FRMD4B: variants seen among roughly 807,000 people sequenced by gnomAD.
The protein encoded by FRMD4B is FERM domain containing 4B, also known as FERM domain-containing protein 4B.
Under a neutral mutation model 141.5 loss-of-function variants are expected in FRMD4B, and 74 were observed. The ratio of observed to expected loss-of-function variants is 0.52; its 90% CI spans 0.43 to 0.63. The LOEUF (loss-of-function observed/expected upper bound fraction) is 0.63. Ranked by LOEUF, FRMD4B falls within the 30% of genes least tolerant of loss-of-function variation. The pLI is 0.00. For missense variants in FRMD4B, 1,366 were observed against 1,253.4 expected, an observed-to-expected ratio of 1.09 and a Z score of -1.36; for synonymous variants, 506 against 467.9, an observed-to-expected ratio of 1.08 and a Z score of -1.05.
Position 69,474,773 on chromosome 3 carries a change from G to A in FRMD4B, c.-128-42012C>T, listed in dbSNP as rs138323838. On this transcript the variant is annotated intron_variant, in intron 1 of 5. Transcript: ENST00000459638. ...CACATGCCACACAAGGGGCAAGAGTGAACAAGATAGACAGGGTTCCTGCCT... is the reference window on the plus strand; with the variant it reads ...CACATGCCACACAAGGGGCAAGAGTAAACAAGATAGACAGGGTTCCTGCCT... 5.6e-3 allele frequency among the ~76,000 whole-genome samples: 850 copies of A among 152,256 alleles called. 2 individuals are homozygous for A. Among genetic ancestry groups the A allele is most frequent in the Middle Eastern group, 0.01 (3 of 294 alleles).
chr3:69,239,177 C>G (rs1361752999), intron 7 of FRMD4B, among the ~76,000 whole-genome samples: 1 of 152,172 alleles, frequency 6.6e-6, no homozygotes, highest in Non-Finnish European at 1.5e-5. Context: ...AGCCTAGAAA[C>G]TCACTTTTCC....
chr3:69,286,602 C>T (rs1172683062), intron 5 of FRMD4B, among the ~76,000 whole-genome samples: 1 of 133,086 alleles, frequency 7.5e-6, no homozygotes, highest in African/African-American at 2.7e-5. Context: ...GGTATACAGT[C>T]TGGATAGGGA....
intron 1 of FRMD4B, among the ~76,000 whole-genome samples, chr3:69,497,244 A>G (rs1706418601): frequency 6.6e-6 from 1 of 152,238 alleles, no homozygotes; most frequent in Non-Finnish European, 1.5e-5. Flanking sequence ...TGAACAAGAT[A>G]TAAATTTATT....
intron 5 of FRMD4B, among the ~76,000 whole-genome samples, chr3:69,252,753 CT>C (rs1231057771): frequency 2.0e-5 from 3 of 152,142 alleles, no homozygotes; most frequent in African/African-American, 7.2e-5. Flanking sequence ...CAGAACATTG[CT>C]TTTACTCTCA....
chr3:69,249,397 G>A (rs938753018), intron 6 of FRMD4B, 149 bp from the exon 7 acceptor site: 4 of 561,266 alleles, frequency 7.1e-6, no homozygotes, highest in Non-Finnish European at 1.3e-5. Flanking sequence ...GGCATAAGAA[G>A]AATTAGGCAT....
intron 7 of FRMD4B, among the ~76,000 whole-genome samples, chr3:69,227,585 C>G (rs996586633): frequency 6.6e-6 from 1 of 151,592 alleles, no homozygotes; most frequent in African/African-American, 2.4e-5. Flanking sequence ...TCACTTGAAC[C>G]CAGGAGGCGG....
chr3:69,200,416 A>T, intron 11 of FRMD4B: 1 of 999,012 alleles, frequency 1.0e-6, no homozygotes, highest in Non-Finnish European at 1.2e-6. Flanking sequence ...ATTTCTTTAA[A>T]TCCAGAGGTT....
At chr3:69,496,797 C>T (rs1359983068) in intron 1 of FRMD4B, among the ~76,000 whole-genome samples, 2 of 151,934 alleles carry the variant, frequency 1.3e-5, no homozygotes, top group Non-Finnish European at 1.5e-5. Flanking sequence ...TCGCTATGGG[C>T]TATTTGTCAC....
chr3:69,365,649 C>T (rs554072491), intron 1 of FRMD4B, among the ~76,000 whole-genome samples: 280 of 152,098 alleles, frequency 1.8e-3, no homozygotes, highest in African/African-American at 5.6e-3. Flanking sequence ...TACATGCGCA[C>T]TTCACCACGC....
chr3:69,320,310 G>A (rs1420384945), intron 1 of FRMD4B, among the ~76,000 whole-genome samples: 3 of 152,124 alleles, frequency 2.0e-5, no homozygotes, highest in Non-Finnish European at 4.4e-5. Flanking sequence ...AACCTGACCT[G>A]GGCCAGGTGT....
At chr3:69,454,991 C>T (rs149969657) in intron 1 of FRMD4B, among the ~76,000 whole-genome samples, 3 of 152,168 alleles carry the variant, frequency 2.0e-5, no homozygotes, top group Admixed American at 2.0e-4. Flanking sequence ...GGGTACAACA[C>T]TCAGCACTCT....
rs577318297 is a variant in FRMD4B, at chr3:69,245,670, T to G, written c.581+3556A>C. 1.7e-3 allele frequency among the ~76,000 whole-genome samples: 252 copies of G among 147,708 alleles called. 1 individual carries two copies. Among genetic ancestry groups the G allele is most frequent in the African/African-American group, 5.7e-3 (229 of 40,028 alleles). On this transcript the variant is annotated intron_variant, in intron 7 of 22. Coordinates refer to ENST00000398540, the MANE Select transcript of FRMD4B (RefSeq NM_015123.3). The stretch of plus-strand genomic sequence containing the variant: ...CCTTGGCTGATTTTCTTTTCTTTTT[T>G]TTTTTTTTTTTGTGACAGAGTCCCA...
At chr3:69,413,784 A>G (rs1328205613) in intron 2 of FRMD4B, among the ~76,000 whole-genome samples, 1 of 152,192 alleles carries the variant, frequency 6.6e-6, no homozygotes, top group Non-Finnish European at 1.5e-5. Context: ...GAATGAAGAC[A>G]ATACAACCCT....
At chr3:69,307,990 A>G (rs1451482008) in intron 3 of FRMD4B, among the ~76,000 whole-genome samples, 1 of 151,466 alleles carries the variant, frequency 6.6e-6, no homozygotes, top group Non-Finnish European at 1.5e-5. Flanking sequence ...CCACAAAATA[A>G]CTCTTGCCTA....
chr3:69,282,174 T>C (rs1439246571), intron 5 of FRMD4B, among the ~76,000 whole-genome samples: 4 of 152,360 alleles, frequency 2.6e-5, no homozygotes, highest in East Asian at 1.9e-4. Context: ...ATTGTGGTTT[T>C]ATCAGTATTT....
intron 11 of FRMD4B, among the ~76,000 whole-genome samples, chr3:69,213,385 A>G (rs983549667): frequency 9.3e-5 from 14 of 150,224 alleles, no homozygotes; most frequent in African/African-American, 3.4e-4. Flanking sequence ...AAAAAAAAAA[A>G]GCTAACAATA....
chr3:69,241,615 G>T lies in FRMD4B; in HGVS notation c.581+7611C>A, dbSNP rs77748347. On this transcript the variant is annotated intron_variant, in intron 7 of 22. Transcript: ENST00000398540. ...TGTTGGGATACAAAAAAAGAAACTGGTTGGGTGCAGTCGCTCACACCTGTA... is the reference window on the plus strand; with the variant it reads ...TGTTGGGATACAAAAAAAGAAACTGTTTGGGTGCAGTCGCTCACACCTGTA... Among the ~76,000 whole-genome samples the T allele has an allele frequency of 3.9e-3, 597 of 152,276 alleles. 7 individuals carry two copies. Among genetic ancestry groups the T allele is most frequent in the African/African-American group, 0.013 (560 of 41,558 alleles).
intron 7 of FRMD4B, among the ~76,000 whole-genome samples, chr3:69,233,338 G>A (rs1428466731): frequency 6.6e-6 from 1 of 151,896 alleles, no homozygotes; most frequent in Admixed American, 6.6e-5. Context: ...AGAAAAATTA[G>A]TTGGGTGGGG....
chr3:69,242,694 G>GA (rs200579533), intron 7 of FRMD4B, among the ~76,000 whole-genome samples: 4,595 of 145,184 alleles, frequency 0.032, 270 homozygotes, highest in African/African-American at 0.11. Flanking sequence ...CAAAATCTTA[G>GA]GAAAAAAAAA....
Sources: gnomAD v4.1 joint callset for allele counts (sites outside exome capture counted in the v4.1 genomes callset) on GRCh38, gnomAD v4.1.1 for gene constraint, MANE v1.5 for transcripts, NCBI Gene and HGNC (gene_info 2026-07-23, HGNC 2026-07-21) for gene names.